The following ANO6 variants were observed in gnomAD, a reference collection of about 807,000 sequenced individuals.
ANO6 encodes the protein anoctamin 6, also known as anoctamin-6.
A neutral mutation model predicts 117.5 loss-of-function variants in ANO6; 106 were observed. The ratio of observed to expected loss-of-function variants is 0.90; its 90% CI spans 0.77 to 1.06. The LOEUF (loss-of-function observed/expected upper bound fraction) is 1.06, where lower values mean the gene tolerates loss of function less well. Among genes scored for constraint, ANO6 ranks in the 50% least tolerant of loss-of-function variants. The pLI, the probability that ANO6 is intolerant of heterozygous loss-of-function variation, is 0.00. For missense variants in ANO6, 955 were observed against 1,121.1 expected, an observed-to-expected ratio of 0.85 and a Z score of 2.12; for synonymous variants, 367 against 385.1, an observed-to-expected ratio of 0.95 and a Z score of 0.55.
chr12:45,298,034 G>C (rs1302355549), intron 1 of ANO6, among the ~76,000 whole-genome samples: 2 of 152,170 alleles, frequency 1.3e-5, no homozygotes, highest in Non-Finnish European at 2.9e-5. Context: ...TTTGATGTTT[G>C]TTGAACCTGA....
intron 1 of ANO6, among the ~76,000 whole-genome samples, chr12:45,250,663 A>C (rs1036469338): frequency 3.3e-5 from 5 of 151,766 alleles, no homozygotes; most frequent in African/African-American, 1.2e-4. Context: ...TCTGCCTCTG[A>C]AAGTACTGGG....
At chr12:45,366,596 A>G (rs986119757) in intron 8 of ANO6, among the ~76,000 whole-genome samples, 7 of 152,144 alleles carry the variant, frequency 4.6e-5, no homozygotes, top group East Asian at 1.9e-4. Context: ...CTGTTGGTCA[A>G]TTTTTCTTAA....
At chr12:45,248,716 C>T (rs1234809973) in intron 1 of ANO6, among the ~76,000 whole-genome samples, 2 of 152,074 alleles carry the variant, frequency 1.3e-5, no homozygotes, top group East Asian at 3.9e-4. Flanking sequence ...CCACGCCTGG[C>T]ACAAAAAGTA....
chr12:45,404,793 T>G (rs986678099), intron 15 of ANO6, among the ~76,000 whole-genome samples: 1 of 152,210 alleles, frequency 6.6e-6, no homozygotes, highest in Non-Finnish European at 1.5e-5. Context: ...TTTTTAAAAT[T>G]TATCACCCTT....
intron 1 of ANO6, among the ~76,000 whole-genome samples, chr12:45,263,964 G>A (rs984298739): frequency 5.3e-5 from 8 of 152,122 alleles, no homozygotes; most frequent in Non-Finnish European, 1.2e-4. Flanking sequence ...CAAACTCCCA[G>A]TCTGTTATCA....
In ANO6 at chr12:45,244,410, G is replaced by C. The variant is rs527716619; in HGVS notation, c.70+28019G>C. Among the ~76,000 whole-genome samples, 76 of 149,488 alleles carry C rather than the reference G, an allele frequency of 5.1e-4. 1 individual carries two copies. Among genetic ancestry groups the C allele is most frequent in the African/African-American group, 1.7e-3 (68 of 40,706 alleles). On this transcript the variant is annotated intron_variant, in intron 1 of 19. Transcript: ENST00000320560. Reference sequence around the variant, plus strand: ...ACATAGGGCTTCTCTATTTGGGGGGGGGGGGTGGTCTGTGGATCTGCATGG... The same window carrying C: ...ACATAGGGCTTCTCTATTTGGGGGGCGGGGGTGGTCTGTGGATCTGCATGG...
rs560704045 is a variant in ANO6 at position 45,430,109 on chromosome 12, C to T, written c.*798C>T. 5 of 985,302 alleles carry T rather than the reference C, an allele frequency of 5.1e-6. No individual in the cohort carries two copies. The Admixed American group carries it at 1.8e-4, about 36-fold the overall frequency. 61.0% of individuals were successfully genotyped at this position (985,302 alleles called of 1,614,324 possible). A position where few individuals can be genotyped will look rare whatever the true frequency, so the allele number is the denominator to read the frequency against. ...GTTACAGATTCAAACAGCATTTTAA[C>T]TCATGTTGATCTGGATAATTAATCT... On this transcript the variant is annotated 3_prime_UTR_variant, in exon 20 of 20. Transcript: ENST00000320560.
chr12:45,293,729 G>GTTTTTTCTTTTTTT (rs1939186582), intron 1 of ANO6, among the ~76,000 whole-genome samples: 1 of 48,418 alleles, frequency 2.1e-5, no homozygotes, highest in Non-Finnish European at 3.6e-5. Context: ...CCTGGCTAAT[G>GTTTTTTCTTTTTTT]TTTTTTTTTT....
intron 9 of ANO6, among the ~76,000 whole-genome samples, chr12:45,374,016 G>A (rs1037328610): frequency 6.6e-5 from 10 of 151,938 alleles, no homozygotes; most frequent in African/African-American, 2.2e-4. Context: ...AATGATAAAG[G>A]GGATATCACC....
intron 10 of ANO6, among the ~76,000 whole-genome samples, chr12:45,387,505 T>G (rs2137573288): frequency 6.6e-6 from 1 of 152,278 alleles, no homozygotes; most frequent in East Asian, 1.9e-4. Flanking sequence ...GTGTTTTAGT[T>G]GGCAATAAGG....
intron 1 of ANO6, among the ~76,000 whole-genome samples, chr12:45,275,455 G>T (rs1312559240): frequency 6.6e-6 from 1 of 152,104 alleles, no homozygotes; most frequent in East Asian, 1.9e-4. Context: ...TGATCCACAC[G>T]CCTCGACCTC....
chr12:45,219,371 C>T (rs1467250995), intron 1 of ANO6, among the ~76,000 whole-genome samples: 1 of 152,094 alleles, frequency 6.6e-6, no homozygotes, highest in Admixed American at 6.6e-5. Context: ...ACAGGGTCTC[C>T]CTCTGTCAGG....
intron 1 of ANO6, among the ~76,000 whole-genome samples, chr12:45,279,994 A>G (rs1390431695): frequency 1.3e-5 from 2 of 152,148 alleles, no homozygotes; most frequent in African/African-American, 4.8e-5. Context: ...CCTCTGGGCT[A>G]TTTTCAGCTG....
At chr12:45,227,995 G>C (rs181965710) in intron 1 of ANO6, among the ~76,000 whole-genome samples, 4 of 152,158 alleles carry the variant, frequency 2.6e-5, no homozygotes, top group African/African-American at 9.6e-5. Context: ...TCTCTTTCAG[G>C]GAAATCTTAG....
intron 1 of ANO6, among the ~76,000 whole-genome samples, chr12:45,291,928 A>G (rs1248419924): frequency 6.6e-6 from 1 of 152,210 alleles, no homozygotes; most frequent in African/African-American, 2.4e-5. Flanking sequence ...AAAAGCAAAC[A>G]TAATTATCGT....
At chr12:45,406,751 A>G (rs1942945129) in intron 15 of ANO6, among the ~76,000 whole-genome samples, 1 of 152,166 alleles carries the variant, frequency 6.6e-6, no homozygotes, top group Admixed American at 6.5e-5. Flanking sequence ...CACATAAAAT[A>G]GATTCAGATA....
intron 1 of ANO6, chr12:45,270,543 G>A (rs982515560): frequency 2.1e-5 from 18 of 861,830 alleles, no homozygotes; most frequent in Non-Finnish European, 3.0e-5. Flanking sequence ...CCCTTCCTTT[G>A]TATTTGAACA....
chr12:45,405,461 G>T (rs1942907478), intron 15 of ANO6, among the ~76,000 whole-genome samples: 1 of 152,166 alleles, frequency 6.6e-6, no homozygotes, highest in African/African-American at 2.4e-5. Flanking sequence ...GAAAATTACA[G>T]TGATATGAAC....
In ANO6 at chr12:45,241,602, G is replaced by T. The variant is rs140908463; in HGVS notation, c.70+25211G>T. On this transcript the variant is annotated intron_variant, in intron 1 of 19. Coordinates refer to ENST00000320560, the MANE Select transcript of ANO6 (RefSeq NM_001025356.3). ...CCAGCTTTGTTCCTTTGCTGGTGAG[G>T]AACTGCGATCTTTTGGAGGAGAACA... Among the ~76,000 whole-genome samples, 26 of 152,348 alleles carry T rather than the reference G, an allele frequency of 1.7e-4. No individual in the cohort carries two copies. The East Asian group carries it at 4.6e-3, about 27-fold the overall frequency.
Sources: gnomAD v4.1 joint callset for allele counts (sites outside exome capture counted in the v4.1 genomes callset) on GRCh38, gnomAD v4.1.1 for gene constraint, MANE v1.5 for transcripts, NCBI Gene and HGNC (gene_info 2026-07-23, HGNC 2026-07-21) for gene names.